Variants in TP63 observed in about 807,000 individuals in gnomAD.
The protein encoded by TP63 is tumor protein p63.
Under a neutral mutation model 82.8 loss-of-function variants are expected in TP63, and 17 were observed. The ratio of observed to expected loss-of-function variants is 0.21; its 90% confidence interval spans 0.14 to 0.31. TP63 has a LOEUF of 0.31. Ranked by LOEUF, TP63 falls within the 10% of genes least tolerant of loss-of-function variation. The pLI is 1.00. For synonymous variants in TP63, 330 were observed against 321.7 expected (o/e 1.03, Z -0.28); for missense variants, 648 against 895.3 (o/e 0.72, Z 3.52).
At chr3:189,668,491 A>G (rs1714606321) in intron 1 of TP63, among the ~76,000 whole-genome samples, 1 of 152,124 alleles carries the variant, frequency 6.6e-6, no homozygotes, top group South Asian at 2.1e-4. Context: ...AAATGCAGTA[A>G]CTAAAATCTT....
chr3:189,808,637 GA>G (rs1727198321), intron 4 of TP63, 111 bp downstream of exon 4: 1 of 1,584,558 alleles, frequency 6.3e-7, no homozygotes, highest in Non-Finnish European at 8.6e-7. Context: ...GTTCATGGTG[GA>G]AAATTTGTCT....
intron 1 of TP63, among the ~76,000 whole-genome samples, chr3:189,729,342 C>T (rs1363120624): frequency 3.9e-5 from 6 of 152,020 alleles, no homozygotes; most frequent in African/African-American, 7.2e-5. Context: ...GGGAGAAATT[C>T]GCGGTTGGAC....
chr3:189,659,980 T>A (rs1017807191), intron 1 of TP63, among the ~76,000 whole-genome samples: 1 of 152,026 alleles, frequency 6.6e-6, no homozygotes, highest in Non-Finnish European at 1.5e-5. Flanking sequence ...AGTCTGTGAA[T>A]ATTTTCTCCC....
chr3:189,860,847 T>C (rs889653896), intron 4 of TP63, among the ~76,000 whole-genome samples: 3 of 152,182 alleles, frequency 2.0e-5, no homozygotes, highest in Non-Finnish European at 4.4e-5. Flanking sequence ...GCTTGTTGCT[T>C]TTAATTTTTT....
Position 189,742,243 on chromosome 3 carries a change from CAAAAAAAA to C in TP63, c.324+3489_324+3496del, listed in dbSNP as rs140413709. On this transcript the variant is annotated intron_variant, in intron 3 of 13. Transcript: ENST00000264731. Reference sequence around the variant, plus strand: ...GGGCAACAAGAGCAAAACTCCATCCCAAAAAAAAAAAAAAAAAAAAAAAAAAAGTTACT... The same window carrying C: ...GGGCAACAAGAGCAAAACTCCATCCCAAAAAAAAAAAAAAAAAAAGTTACT... 2.4e-4 allele frequency among the ~76,000 whole-genome samples: 19 copies of C among 77,620 alleles called. No individual in the cohort carries two copies. In the Admixed American group the frequency reaches 3.1e-3, roughly 12 times the overall value. 50.9% of individuals were successfully genotyped at this position (77,620 alleles called of 152,430 possible).
chr3:189,766,780 C>T (rs1722988826), intron 3 of TP63, among the ~76,000 whole-genome samples: 1 of 152,156 alleles, frequency 6.6e-6, no homozygotes, highest in South Asian at 2.1e-4. Context: ...ACAAACCTAC[C>T]TACCACTTTG....
intron 3 of TP63, among the ~76,000 whole-genome samples, chr3:189,751,766 A>G (rs559527591): frequency 6.6e-6 from 1 of 152,148 alleles, no homozygotes; most frequent in Admixed American, 6.6e-5. Context: ...CCCATTCTGT[A>G]GGTTGCCTGT....
chr3:189,850,720 A>C (rs1030136361), intron 4 of TP63, among the ~76,000 whole-genome samples: 15 of 152,274 alleles, frequency 9.9e-5, no homozygotes, highest in Admixed American at 4.6e-4. Flanking sequence ...TAAAACTTAA[A>C]GTATAATAAT....
In TP63 at chr3:189,875,593, CATATATATATATATATATATATAT is replaced by C. The variant is rs774764336; in HGVS notation, c.1349+2620_1349+2643del. On this transcript the variant is annotated intron_variant, in intron 10 of 13. Coordinates refer to ENST00000264731, the MANE Select transcript of TP63 (RefSeq NM_003722.5). The stretch of plus-strand genomic sequence containing the variant: ...AAAGAAAAAGAAAAAAAAATACATA[CATATATATATATATATATATATAT>C]ATATATATATATATATATATAAACT... Among the ~76,000 whole-genome samples, 14 of 40,778 alleles carry C rather than the reference CATATATATATATATATATATATAT, an allele frequency of 3.4e-4. No homozygotes were observed. The East Asian group carries it at 3.8e-3, about 11-fold the overall frequency. 26.8% of individuals were successfully genotyped at this position (40,778 alleles called of 152,430 possible).
At chr3:189,861,808 C>T (rs1198876612) in intron 4 of TP63, among the ~76,000 whole-genome samples, 1 of 152,118 alleles carries the variant, frequency 6.6e-6, no homozygotes, top group African/African-American at 2.4e-5. Context: ...AGAACAGAGA[C>T]ATAAGAAACT....
At chr3:189,658,991 C>T (rs1713638862) in intron 1 of TP63, among the ~76,000 whole-genome samples, 1 of 151,996 alleles carries the variant, frequency 6.6e-6, no homozygotes, top group African/African-American at 2.4e-5. Context: ...GGAAACTGTC[C>T]TATCTTTCAA....
chr3:189,661,429 G>A (rs1560092257), intron 1 of TP63, among the ~76,000 whole-genome samples: 3 of 152,080 alleles, frequency 2.0e-5, no homozygotes, highest in Admixed American at 6.6e-5. Flanking sequence ...AAGCCTACTT[G>A]ATCATGGTGA....
intron 3 of TP63, among the ~76,000 whole-genome samples, chr3:189,799,677 A>T (rs1041367935): frequency 1.3e-5 from 2 of 152,146 alleles, no homozygotes; most frequent in Non-Finnish European, 2.9e-5. Context: ...TGAAGCTAAA[A>T]GCACAATTCC....
chr3:189,675,765 G>A (rs542885932), intron 1 of TP63, among the ~76,000 whole-genome samples: 1 of 152,084 alleles, frequency 6.6e-6, no homozygotes, highest in Non-Finnish European at 1.5e-5. Context: ...ACCAGCTACA[G>A]CCTGGAAGTA....
chr3:189,627,064 T>C (rs1419800110), upstream of TP63, among the ~76,000 whole-genome samples: 1 of 152,258 alleles, frequency 6.6e-6, no homozygotes, highest in East Asian at 1.9e-4. Context: ...GTAGGCTACC[T>C]GCTTGAGGTC....
Position 189,670,354 on chromosome 3 carries a change from A to G in TP63, c.62+38777A>G, listed in dbSNP as rs182967401. Among the ~76,000 whole-genome samples, 8 of 152,208 alleles carry G rather than the reference A, an allele frequency of 5.3e-5. No homozygotes were observed. The East Asian group carries it at 1.5e-3, about 29-fold the overall frequency. ...TATTTGTAGCACACAATACATGACAACTGCAGAATGTACATTCTTTTTACC... is the reference window on the plus strand; with the variant it reads ...TATTTGTAGCACACAATACATGACAGCTGCAGAATGTACATTCTTTTTACC... On this transcript the variant is annotated intron_variant, in intron 1 of 13. Coordinates refer to ENST00000264731, the MANE Select transcript of TP63 (RefSeq NM_003722.5).
chr3:189,772,065 C>A (rs1723420573), intron 3 of TP63, among the ~76,000 whole-genome samples: 1 of 152,182 alleles, frequency 6.6e-6, no homozygotes, highest in Non-Finnish European at 1.5e-5. Flanking sequence ...GTTAAATAAA[C>A]AAACCATTAT....
At chr3:189,683,873 A>G (rs533266232) in intron 1 of TP63, among the ~76,000 whole-genome samples, 17 of 152,344 alleles carry the variant, frequency 1.1e-4, no homozygotes, top group Admixed American at 2.6e-4. Flanking sequence ...AAAGTGCCCA[A>G]TGTTCTCACC....
chr3:189,626,502 A>G (rs534731038), upstream of TP63, among the ~76,000 whole-genome samples: 3 of 152,302 alleles, frequency 2.0e-5, no homozygotes, highest in South Asian at 4.1e-4. Context: ...ACAGGCTGCC[A>G]GAGCTCTACG....
Sources: gnomAD v4.1 joint callset for allele counts (sites outside exome capture counted in the v4.1 genomes callset) on GRCh38, gnomAD v4.1.1 for gene constraint, MANE v1.5 for transcripts, NCBI Gene and HGNC (gene_info 2026-07-23, HGNC 2026-07-21) for gene names.